Variants in SSX1 observed in about 807,000 individuals in gnomAD.
SSX1 encodes the protein protein SSX1.
A neutral mutation model predicts 14.6 loss-of-function variants in SSX1; 58 were observed. The observed-to-expected ratio is 3.96, with a 90% CI of 3.21 to 4.93. The LOEUF is 4.93. Among genes scored for constraint, SSX1 ranks in the 30% most tolerant of loss-of-function variants. SSX1 has a pLI of 0.00. For missense variants in SSX1, 272 were observed against 143.1 expected (o/e 1.90, Z -4.60); for synonymous variants, 46 against 52.1 (o/e 0.88, Z 0.50).
intron 4 of SSX1, 120 bp downstream of exon 4, chrX:48,258,751 A>T: frequency 3.7e-6 from 2 of 542,140 alleles, no homozygotes; most frequent in Non-Finnish European, 6.1e-6. Context: ...GAGTGAAAAA[A>T]AAAATTGCAT....
intron 1 of SSX1, among the ~76,000 whole-genome samples, chrX:48,256,252 C>A (rs1414357632): frequency 4.6e-5 from 5 of 109,576 alleles, no homozygotes; most frequent in Non-Finnish European, 7.6e-5. Context: ...GATCCTCTTG[C>A]CTCGGCCTCG....
chrX:48,260,919 C>G (rs1358002683), intron 4 of SSX1, among the ~76,000 whole-genome samples: 1 of 111,656 alleles, frequency 9.0e-6, no homozygotes, highest in Non-Finnish European at 1.9e-5. Context: ...TGCTGTTTCT[C>G]CATACTTTAT....
chrX:48,266,050 G>T (rs1233112524), intron 6 of SSX1, among the ~76,000 whole-genome samples: 2 of 111,895 alleles, frequency 1.8e-5, no homozygotes, highest in Non-Finnish European at 3.8e-5. Context: ...AAGTGAAGAG[G>T]TTGGTAATCT....
chrX:48,265,255 C>A (rs1182835725), intron 6 of SSX1, among the ~76,000 whole-genome samples: 1 of 112,280 alleles, frequency 8.9e-6, no homozygotes, highest in African/African-American at 3.2e-5. Context: ...CCTTTGCATG[C>A]ACAGCTTGGC....
In SSX1 at chrX:48,263,808, C is replaced by A. The variant is rs368787182; in HGVS notation, c.357C>A (p.Asp119Glu). 13 of 1,209,375 alleles carry A rather than the reference C, an allele frequency of 1.1e-5. No individual in the cohort carries two copies. The East Asian group carries it at 2.4e-4, about 22-fold the overall frequency. ...TCATGCCCAAGAAGCCAGCAGAGGA[C>A]GAAAATGATTCGAAGGGAGTGTCAG... is the stretch of plus-strand genomic sequence containing the variant. ...PKIMPKKPAEDENDSKGVSEA... is the reference protein window; with the variant it reads ...PKIMPKKPAEEENDSKGVSEA... The change falls in exon 6 of 8, where the codon GAC becomes GAA. Residue 119 changes from aspartate to glutamate, a missense_variant. Transcript: ENST00000376919.
intron 1 of SSX1, among the ~76,000 whole-genome samples, chrX:48,255,792 A>G (rs1450263938): frequency 3.2e-4 from 33 of 103,517 alleles, no homozygotes; most frequent in African/African-American, 1.1e-3. Context: ...TTTTTAGTAC[A>G]GACGGTTTTG....
intron 5 of SSX1, among the ~76,000 whole-genome samples, chrX:48,262,269 G>C (rs139323055): frequency 6.8e-4 from 76 of 112,335 alleles, no homozygotes; most frequent in African/African-American, 2.3e-3. Context: ...AATAAAATGA[G>C]GCTATCGGGG....
chrX:48,266,879 G>C lies in SSX1; in HGVS notation c.*30G>C. 1 of 1,114,132 alleles carries C rather than the reference G, an allele frequency of 9.0e-7. No individual in the cohort carries two copies. Among genetic ancestry groups the C allele is most frequent in the Non-Finnish European group, 1.2e-6 (1 of 820,125 alleles). The allele number at this position is 1,114,132 out of a possible 1,213,427, so 91.8% of individuals were successfully genotyped here. On this transcript the variant is annotated 3_prime_UTR_variant, in exon 8 of 8. Transcript: ENST00000376919. ...CCTGGGGGATACGACACATGCCCTT[G>C]ATGAGAAGCAGAACGTGGTGACCTT...
In SSX1 at chrX:48,261,702, G is replaced by C. The variant is rs1487617507; in HGVS notation, c.281-64G>C. The C allele has an allele frequency of 5.2e-6, 6 of 1,148,253 alleles. No homozygotes were observed. The East Asian group carries it at 1.8e-4, about 34-fold the overall frequency. The allele number at this position is 1,148,253 out of a possible 1,213,427, so 94.6% of individuals were successfully genotyped here. Reference sequence around the variant, plus strand: ...TGCTGCAGAATGCCCTCATGCAACGGAAGTCTCTCCAGAGTTTGGAAATCT... The same window carrying C: ...TGCTGCAGAATGCCCTCATGCAACGCAAGTCTCTCCAGAGTTTGGAAATCT... On this transcript the variant is annotated intron_variant, in intron 4 of 7. Coordinates refer to ENST00000376919, the MANE Select transcript of SSX1 (RefSeq NM_005635.4).
chrX:48,266,264 C>T (rs781934656), intron 6 of SSX1, 23 bp from the exon 7 acceptor site: 17 of 1,207,901 alleles, frequency 1.4e-5, no homozygotes, highest in South Asian at 3.5e-5. Flanking sequence ...CAACCCTCAT[C>T]TTCCAACTCT....
chrX:48,265,752 C>A (rs1413476675), intron 6 of SSX1, among the ~76,000 whole-genome samples: 1 of 111,569 alleles, frequency 9.0e-6, no homozygotes, highest in East Asian at 2.8e-4. Flanking sequence ...AAATATCTCA[C>A]GTACCCTATA....
rs1462521942 is a variant in SSX1 at position 48,263,406 on chromosome X, G to T, written c.331-376G>T. On this transcript the variant is annotated intron_variant, in intron 5 of 7. Coordinates refer to ENST00000376919, the MANE Select transcript of SSX1 (RefSeq NM_005635.4). ...TTTTACATTTACTCTCCCAGCAGCT[G>T]TCTACGAGCTTATATGGGATCCCTT... 2.7e-5 allele frequency among the ~76,000 whole-genome samples: 3 copies of T among 110,991 alleles called. No homozygotes were observed. In the Admixed American group the frequency reaches 2.9e-4, roughly 11 times the overall value.
At chrX:48,257,385 G>A in intron 2 of SSX1, 75 bp downstream of exon 2, 2 of 1,186,217 alleles carry the variant, frequency 1.7e-6, no homozygotes, top group Non-Finnish European at 2.3e-6. Flanking sequence ...AGGAGGGGAG[G>A]ACAGAGGTAC....
Position 48,263,902 on chromosome X carries a change from A to ATT in SSX1, c.452_453dup (p.Asn152LeufsTer25), listed in dbSNP as rs1330306036. 1 of 1,209,578 alleles carries ATT rather than the reference A, an allele frequency of 8.3e-7. No homozygotes were observed. Among genetic ancestry groups the ATT allele is most frequent in the African/African-American group, 1.7e-5 (1 of 57,168 alleles). ...AGGAAAAGCAAATATTTCTGAGAAG[A>ATT]TTAATAAGAGATCTGGTAAGAGGAA... On this transcript the variant is annotated frameshift_variant, in exon 6 of 8. Transcript: ENST00000376919. LOFTEE classifies it high-confidence loss of function.
chrX:48,257,537 G>A, intron 2 of SSX1: 2 of 753,727 alleles, frequency 2.7e-6, no homozygotes, highest in African/African-American at 2.3e-5. Flanking sequence ...CTGGAAGGTG[G>A]GAAGAGAGCC....
Position 48,257,248 on chromosome X carries a change from G to A in SSX1, c.7G>A (p.Gly3Arg), listed in dbSNP as rs782064883. Reference sequence around the variant, plus strand: ...TGAGACTGCTCCTGGTGCCATGAACGGAGACGACACCTTTGCAAAGAGACC... The same window carrying A: ...TGAGACTGCTCCTGGTGCCATGAACAGAGACGACACCTTTGCAAAGAGACC... The part of the protein sequence containing the change: MN[G>R]DDTFAKRPRD... Residue 3 changes from glycine to arginine, a missense_variant, in exon 2 of 8, where the codon GGA (glycine) becomes AGA (arginine). Gly to Arg is a moderately radical substitution (Grantham distance 125). Coordinates refer to ENST00000376919, the MANE Select transcript of SSX1 (RefSeq NM_005635.4). The A allele has an allele frequency of 3.1e-5, 37 of 1,210,804 alleles. 1 individual carries two copies. In the Middle Eastern group the frequency reaches 4.6e-3, roughly 150 times the overall value.
chrX:48,261,464 A>G (rs1482275826), intron 4 of SSX1, among the ~76,000 whole-genome samples: 1 of 112,484 alleles, frequency 8.9e-6, no homozygotes, highest in African/African-American at 3.2e-5. Context: ...ATTACAGTTT[A>G]CATTCCCAAC....
At chrX:48,255,470 C>T (rs1202736101) in intron 1 of SSX1, 38 bp downstream of exon 1, 1 of 110,141 alleles carries the variant, frequency 9.1e-6, no homozygotes, top group East Asian at 2.9e-4. Context: ...ATGGGCTAAT[C>T]GGGGCAGATA....
chrX:48,256,482 T>TG (rs2059582425), intron 1 of SSX1, among the ~76,000 whole-genome samples: 1 of 63,084 alleles, frequency 1.6e-5, no homozygotes, highest in Non-Finnish European at 2.9e-5. Flanking sequence ...TTTTTTTTTG[T>TG]AGAGATGAGG....
Sources: allele counts gnomAD v4.1 joint callset (sites outside exome capture counted in the v4.1 genomes callset), GRCh38; gene constraint gnomAD v4.1.1; transcripts MANE v1.5; gene names NCBI Gene and HGNC (gene_info 2026-07-23, HGNC 2026-07-21).